The following SELENOO variants were observed in gnomAD, a reference collection of about 807,000 sequenced individuals.
SELENOO encodes the protein protein adenylyltransferase SelO, mitochondrial.
SELENOO carries 74 observed loss-of-function variants against 58.7 expected under a neutral mutation model. The ratio of observed to expected loss-of-function variants is 1.26; its 90% CI spans 1.04 to 1.53. The LOEUF is 1.53. Ranked by LOEUF, SELENOO falls within the 40% of genes most tolerant of loss-of-function variation. The probability of loss-of-function intolerance (pLI) is 0.00; values close to 1 mark genes in which losing one functional copy is unlikely to be tolerated. For synonymous variants in SELENOO, 543 were observed against 453.2 expected (o/e 1.20, Z -2.52); for missense variants, 1,149 against 970.0 (o/e 1.18, Z -2.45).
At chr22:50,211,485 A>T (rs1383164091) in intron 5 of SELENOO, among the ~76,000 whole-genome samples, 1 of 152,106 alleles carries the variant, frequency 6.6e-6, no homozygotes, top group African/African-American at 2.4e-5. Context: ...CTTCGGGGAA[A>T]AGTGTTCAGT....
intron 4 of SELENOO, 85 bp from the exon 5 acceptor site, chr22:50,210,546 C>T (rs2147163118): frequency 6.3e-7 from 1 of 1,587,678 alleles, no homozygotes; most frequent in Non-Finnish European, 8.6e-7. Flanking sequence ...GGGACCTTCC[C>T]CTGGGCCTCC....
intron 5 of SELENOO, among the ~76,000 whole-genome samples, chr22:50,215,457 C>G: frequency 6.6e-6 from 1 of 150,568 alleles, no homozygotes; most frequent in African/African-American, 2.4e-5. Flanking sequence ...GTGTGGGTCT[C>G]TGTGGCATGC....
At chr22:50,216,561 G>C in intron 6 of SELENOO, 130 bp from the exon 7 acceptor site, 1 of 839,926 alleles carries the variant, frequency 1.2e-6, no homozygotes, top group Admixed American at 2.5e-5. Context: ...CAGGGACCTC[G>C]GGGACCGGGC....
intron 8 of SELENOO, 32 bp from the exon 9 acceptor site, chr22:50,217,173 C>T (rs1167809687): frequency 2.4e-5 from 39 of 1,611,210 alleles, no homozygotes; most frequent in Non-Finnish European, 3.1e-5. Context: ...GGGGGTCGGC[C>T]CCAGACCCCT....
chr22:50,217,170 G>A (rs375283832), intron 8 of SELENOO, 35 bp from the exon 9 acceptor site: 36 of 1,610,670 alleles, frequency 2.2e-5, no homozygotes, highest in East Asian at 4.5e-5. Context: ...GAGGGGGGTC[G>A]GCCCCAGACC....
intron 6 of SELENOO, among the ~76,000 whole-genome samples, chr22:50,216,158 G>A (rs1478858021): frequency 6.6e-6 from 1 of 152,198 alleles, no homozygotes; most frequent in East Asian, 1.9e-4. Context: ...GGCTCCCAGA[G>A]GTCAAGCTTT....
rs997173863 is a variant in SELENOO, at chr22:50,204,184, T to A, written c.555-2133T>A. ...GGGATGGCAGTTATTTAAAAAAAGG[T>A]TGACCTGGGCGTGGTGGTGGGTGCC... On this transcript the variant is annotated intron_variant, in intron 1 of 8. Coordinates refer to ENST00000380903, the MANE Select transcript of SELENOO (RefSeq NM_031454.2). 7.9e-5 allele frequency among the ~76,000 whole-genome samples: 12 copies of A among 152,090 alleles called. No homozygotes were observed. The South Asian group carries it at 2.5e-3, about 31-fold the overall frequency.
At position 50,216,845 on chromosome 22, in the gene SELENOO, G is replaced by A; in HGVS notation, c.1657G>A (p.Gly553Ser). The A allele has an allele frequency of 2.5e-6, 4 of 1,608,508 alleles. No individual in the cohort carries two copies. The highest frequency in any genetic ancestry group is 1.7e-5 in the Admixed American group (1 of 60,002). Residue 553 changes from glycine (G) to serine (S), a missense_variant, in exon 7 of 9, where the codon GGC becomes AGC. Physicochemically the swap from Gly to Ser is moderately conservative, Grantham distance 56. Coordinates refer to ENST00000380903, the MANE Select transcript of SELENOO (RefSeq NM_031454.2). ...SAAELQSRNQGHWADWLQAYR... is the reference protein window; with the variant it reads ...SAAELQSRNQSHWADWLQAYR... The stretch of plus-strand genomic sequence containing the variant: ...GGCAGAGCTGCAGAGCAGGAACCAG[G>A]GCCACTGGGCTGACTGGCTACAGGC...
At chr22:50,204,954 C>T (rs2064323971) in intron 1 of SELENOO, among the ~76,000 whole-genome samples, 1 of 152,230 alleles carries the variant, frequency 6.6e-6, no homozygotes, top group Non-Finnish European at 1.5e-5. Context: ...ACGGATGAAC[C>T]TGGAGGACGT....
In SELENOO at chr22:50,210,050, A is replaced by T. The variant is rs1035719591; in HGVS notation, c.940-131A>T. 7 of 1,078,160 alleles carry T rather than the reference A, an allele frequency of 6.5e-6. No homozygotes were observed. The African/African-American group carries it at 9.4e-5, about 14-fold the overall frequency. The allele number at this position is 1,078,160 out of a possible 1,614,324, so 66.8% of individuals were successfully genotyped here. ...GAGGCGGTGACAGGACATCAGGAAGATCGCCCAGAAACTGCAGAGTGAGAG... is the reference window on the plus strand; with the variant it reads ...GAGGCGGTGACAGGACATCAGGAAGTTCGCCCAGAAACTGCAGAGTGAGAG... On this transcript the variant is annotated intron_variant, in intron 3 of 8. Coordinates refer to ENST00000380903, the MANE Select transcript of SELENOO (RefSeq NM_031454.2).
intron 5 of SELENOO, among the ~76,000 whole-genome samples, chr22:50,213,635 A>G (rs928915402): frequency 6.6e-6 from 1 of 151,356 alleles, no homozygotes; most frequent in African/African-American, 2.4e-5. Context: ...TTTCTCATTG[A>G]TCTTCTGTCT....
At chr22:50,205,666 G>T (rs187841567) in intron 1 of SELENOO, 21 of 152,534 alleles carry the variant, frequency 1.4e-4, no homozygotes, top group African/African-American at 4.8e-4. Context: ...CTGGCCCTCA[G>T]ATCTCACATC....
chr22:50,205,135 T>A (rs1276628417), intron 1 of SELENOO, among the ~76,000 whole-genome samples: 1 of 151,872 alleles, frequency 6.6e-6, no homozygotes, highest in East Asian at 1.9e-4. Context: ...TTTCAGTTTC[T>A]GGGTCCCAGG....
intron 1 of SELENOO, among the ~76,000 whole-genome samples, chr22:50,202,681 G>A (rs1234997005): frequency 6.6e-6 from 1 of 151,824 alleles, no homozygotes; most frequent in African/African-American, 2.4e-5. Flanking sequence ...GTAATCTGTC[G>A]CTGGAAGACA....
rs1011306815 is a variant in SELENOO at position 50,206,336 on chromosome 22, G to A, written c.574G>A (p.Val192Ile). The A allele has an allele frequency of 1.2e-6, 2 of 1,613,900 alleles. No individual in the cohort carries two copies. Among genetic ancestry groups the A allele is most frequent in the African/African-American group, 1.3e-5 (1 of 75,038 alleles). ...PFSRQADGRKVLRSSIREFLC... is the reference protein window; with the variant it reads ...PFSRQADGRKILRSSIREFLC... ...TTTCAGACAGGCCGACGGTCGCAAG[G>A]TCCTACGGTCAAGCATCCGGGAGTT... The change falls in exon 2 of 9, where the codon GTC becomes ATC. Residue 192 changes from valine to isoleucine, a missense_variant. Val to Ile is a conservative substitution (Grantham distance 29). Transcript: ENST00000380903.
intron 5 of SELENOO, among the ~76,000 whole-genome samples, chr22:50,212,086 T>G (rs189177232): frequency 1.3e-5 from 2 of 152,362 alleles, no homozygotes; most frequent in Non-Finnish European, 2.9e-5. Context: ...GGATACTAGC[T>G]TAGAGTTCTG....
chr22:50,211,131 C>G (rs7292228), intron 5 of SELENOO, among the ~76,000 whole-genome samples: 63,606 of 152,090 alleles, frequency 0.42, 13,379 homozygotes, highest in African/African-American at 0.47. Context: ...CTGCTTATTT[C>G]ACTTAGCATA....
rs745691545 is a variant in SELENOO, at chr22:50,206,404, A to G, written c.642A>G (p.Thr214=). 42 of 1,613,980 alleles carry G rather than the reference A, an allele frequency of 2.6e-5. No individual in the cohort carries two copies. The highest frequency in any genetic ancestry group is 3.5e-5 in the Non-Finnish European group (41 of 1,179,986). ...TGTTCCACCTGGGAGTCCCCACCAC[A>G]CGGGCCGGCGCCTGCGTCACGTCCG... ...EAMFHLGVPT[T]RAGACVTSES... Residue 214 remains threonine (T), a synonymous_variant, in exon 2 of 9, where the codon ACA becomes ACG. Transcript: ENST00000380903.
chr22:50,215,016 C>CT (rs2064395722), intron 5 of SELENOO, among the ~76,000 whole-genome samples: 1 of 152,214 alleles, frequency 6.6e-6, no homozygotes, highest in African/African-American at 2.4e-5. Context: ...TCTGGTCGCT[C>CT]ACGTTCTCCC....
Sources: allele counts gnomAD v4.1 joint callset (sites outside exome capture counted in the v4.1 genomes callset), GRCh38; gene constraint gnomAD v4.1.1; transcripts MANE v1.5; gene names NCBI Gene and HGNC (gene_info 2026-07-23, HGNC 2026-07-21).